The following ZBTB48 variants were observed in gnomAD, a reference collection of about 807,000 sequenced individuals.
ZBTB48 encodes the protein zinc finger and BTB domain-containing protein 48.
A neutral mutation model predicts 64.5 loss-of-function variants in ZBTB48; 35 were observed. The observed-to-expected ratio is 0.54, with a 90% CI of 0.41 to 0.72. The LOEUF (loss-of-function observed/expected upper bound fraction) is 0.72. Ranked by LOEUF, ZBTB48 falls within the 30% of genes least tolerant of loss-of-function variation. The pLI is 0.00. For missense variants in ZBTB48, 828 were observed against 895.3 expected, an observed-to-expected ratio of 0.92 and a Z score of 0.96; for synonymous variants, 442 against 356.7, an observed-to-expected ratio of 1.24 and a Z score of -2.70.
At chr1:6,587,719 TAC>T (rs1189689129) in intron 7 of ZBTB48, 87 bp downstream of exon 7, 5 of 1,557,808 alleles carry the variant, frequency 3.2e-6, no homozygotes, top group African/African-American at 1.3e-5. Flanking sequence ...TGCTGACTTT[TAC>T]ACAGATGAGT....
rs774453367 is a variant in ZBTB48, at chr1:6,589,103, C to G, written c.1958C>G (p.Ser653Cys). ...VESLAQGGLA[S>C]QLPGQRLCAE... ...TCCCTGGCCCAGGGCGGCCTGGCCT[C>G]CCAGCTCCCCGGCCAGAGACTGTGT... Residue 653 changes from serine (S) to cysteine (C), a missense_variant, in exon 11 of 11, where the codon TCC becomes TGC. Ser to Cys is a moderately radical substitution (Grantham distance 112). Transcript: ENST00000377674. 1 of 1,608,094 alleles carries G rather than the reference C, an allele frequency of 6.2e-7. No homozygotes were observed. Among genetic ancestry groups the G allele is most frequent in the Non-Finnish European group, 8.5e-7 (1 of 1,177,940 alleles).
chr1:6,588,261 T>G lies in ZBTB48; in HGVS notation c.1517-17T>G, dbSNP rs763314503. The G allele has an allele frequency of 6.2e-7, 1 of 1,608,854 alleles. No homozygotes were observed. The highest frequency in any genetic ancestry group is 1.1e-5 in the South Asian group (1 of 90,914). The stretch of plus-strand genomic sequence containing the variant: ...GAGGCCAAGGCCACAGGCTGAGCTC[T>G]TGCCTTGTGCCTGCAGCCAGCCTGG... On this transcript the variant is annotated splice_polypyrimidine_tract_variant and intron_variant, in intron 8 of 10. Coordinates refer to ENST00000377674, the MANE Select transcript of ZBTB48 (RefSeq NM_005341.4).
At chr1:6,587,663 A>G (rs746543821) in intron 7 of ZBTB48, 31 bp downstream of exon 7, 2 of 1,609,646 alleles carry the variant, frequency 1.2e-6, no homozygotes, top group Admixed American at 1.7e-5. Flanking sequence ...CTTGGGGCCC[A>G]GTCCTGCTGC....
In ZBTB48 at chr1:6,582,245, G is replaced by A. The variant is rs756552101; in HGVS notation, c.878G>A (p.Cys293Tyr). The change falls in exon 3 of 11, where the codon TGC becomes TAC. Residue 293 changes from cysteine to tyrosine, a missense_variant. By Grantham distance (194) the Cys-to-Tyr change is radical. Coordinates refer to ENST00000377674, the MANE Select transcript of ZBTB48 (RefSeq NM_005341.4). ...NRKGTAVPVECPTCHKKFLSK... is the reference protein window; with the variant it reads ...NRKGTAVPVEYPTCHKKFLSK... Reference sequence around the variant, plus strand: ...AAAGGTACAGCGGTGCCGGTCGAATGCCCCACATGTCATAAAAAGTTCCTC... The same window carrying A: ...AAAGGTACAGCGGTGCCGGTCGAATACCCCACATGTCATAAAAAGTTCCTC... 1 of 1,613,848 alleles carries A rather than the reference G, an allele frequency of 6.2e-7. No homozygotes were observed. The highest frequency in any genetic ancestry group is 1.1e-5 in the South Asian group (1 of 91,064).
Position 6,582,178 on chromosome 1 carries a change from C to A in ZBTB48, c.811C>A (p.Leu271Met). ...IRKPCAAEPA[L>M]SAGSLAAEPA... ...AAAGCCCTGTGCAGCTGAGCCAGCC[C>A]TGAGCGCGGGCTCCCTAGCAGCTGA... The change falls in exon 3 of 11, where the codon CTG becomes ATG. Residue 271 changes from leucine (L) to methionine (M), a missense_variant. Coordinates refer to ENST00000377674, the MANE Select transcript of ZBTB48 (RefSeq NM_005341.4). 6.2e-7 allele frequency: 1 copy of A among 1,614,192 alleles called. No individual in the cohort carries two copies. The highest frequency in any genetic ancestry group is 1.1e-5 in the South Asian group (1 of 91,082).
Position 6,588,858 on chromosome 1 carries a change from T to TGGGCCC in ZBTB48, c.1770+15_1770+20dup. ...TTTACCCGACAGGTAGGCCAGGGCC[T>TGGGCCC]GGGCCCCTTCCCCTACCCTAGGATC... On this transcript the variant is annotated intron_variant, in intron 10 of 10. Transcript: ENST00000377674. 1 of 1,614,014 alleles carries TGGGCCC rather than the reference T, an allele frequency of 6.2e-7. No homozygotes were observed. Among genetic ancestry groups the TGGGCCC allele is most frequent in the Non-Finnish European group, 8.5e-7 (1 of 1,180,010 alleles).
At chr1:6,585,787 T>C (rs1368254198) in intron 3 of ZBTB48, 132 bp from the exon 4 acceptor site, 2 of 804,466 alleles carry the variant, frequency 2.5e-6, no homozygotes, top group African/African-American at 1.7e-5. Flanking sequence ...TCTGGGCTTG[T>C]CCCTGCACCT....
intron 9 of ZBTB48, 69 bp from the exon 10 acceptor site, chr1:6,588,687 C>G (rs1640768099): frequency 6.2e-7 from 1 of 1,605,470 alleles, no homozygotes. Context: ...CTGTCCCAAC[C>G]TCCTGCTGGG....
rs771108359 is a variant in ZBTB48, at chr1:6,586,046, C to A, written c.1044+16C>A. On this transcript the variant is annotated intron_variant, in intron 4 of 10. Coordinates refer to ENST00000377674, the MANE Select transcript of ZBTB48 (RefSeq NM_005341.4). Reference sequence around the variant, plus strand: ...CTCGGAACAGGTACTTGGGAGCTGGCCCAGGTACTTGTGGGCAGGGCACAC... The same window carrying A: ...CTCGGAACAGGTACTTGGGAGCTGGACCAGGTACTTGTGGGCAGGGCACAC... 6.2e-7 allele frequency: 1 copy of A among 1,613,160 alleles called. No individual in the cohort carries two copies. The highest frequency in any genetic ancestry group is 1.7e-5 in the Admixed American group (1 of 60,018).
chr1:6,584,281 A>G lies in ZBTB48; in HGVS notation c.933-1638A>G, dbSNP rs1019999110. ...TTCAGTTCCTCAGATACGTTAGCCA[A>G]ATCTGAAGTGGTGAGGAACCACGTG... On this transcript the variant is annotated intron_variant, in intron 3 of 10. Coordinates refer to ENST00000377674, the MANE Select transcript of ZBTB48 (RefSeq NM_005341.4). This position sits in a 1 kb window ranked among gnomAD's most constrained non-coding sequence, Gnocchi z 4.5. Among the ~76,000 whole-genome samples, 1 of 152,268 alleles carries G rather than the reference A, an allele frequency of 6.6e-6. No individual in the cohort carries two copies. The highest frequency in any genetic ancestry group is 2.4e-5 in the African/African-American group (1 of 41,474).
At chr1:6,581,334 A>C in intron 2 of ZBTB48, 35 bp downstream of exon 2, 1 of 1,531,532 alleles carries the variant, frequency 6.5e-7, no homozygotes, top group Non-Finnish European at 8.7e-7. Flanking sequence ...TGGGGAGACA[A>C]ATAGAGGGAA....
chr1:6,585,712 T>C (rs1640634268), intron 3 of ZBTB48: 2 of 585,632 alleles, frequency 3.4e-6, no homozygotes, highest in African/African-American at 3.7e-5. Context: ...GGCAGCCTCT[T>C]AGGACCTGTG....
Position 6,582,086 on chromosome 1 carries a change from A to T in ZBTB48, c.719A>T (p.Asp240Val). 6.2e-7 allele frequency: 1 copy of T among 1,614,108 alleles called. No individual in the cohort carries two copies. The highest frequency in any genetic ancestry group is 8.5e-7 in the Non-Finnish European group (1 of 1,180,012). ...GAAGTGGTGGTTCAAGTGGAGGATG[A>T]TGGGGATGGCGATTACATGTCTGAG... ...EWEVVVQVEDDGDGDYMSEPE... is the reference protein window; with the variant it reads ...EWEVVVQVEDVGDGDYMSEPE... Residue 240 changes from aspartate (D) to valine (V), a missense_variant, in exon 3 of 11, where the codon GAT (aspartate) becomes GTT (valine). Physicochemically the swap from Asp to Val is radical, Grantham distance 152. Transcript: ENST00000377674.
At chr1:6,583,076 T>C (rs148945501) in intron 3 of ZBTB48, among the ~76,000 whole-genome samples, 1 of 152,176 alleles carries the variant, frequency 6.6e-6, no homozygotes, top group South Asian at 2.1e-4. Context: ...GTGCAACCTC[T>C]GCCTCCTGGG....
intron 4 of ZBTB48, 22 bp downstream of exon 4, chr1:6,586,052 T>TA: frequency 6.2e-7 from 1 of 1,612,028 alleles, no homozygotes; most frequent in Non-Finnish European, 8.5e-7. Context: ...CTGGCCCAGG[T>TA]ACTTGTGGGC....
chr1:6,583,894 C>T (rs1640565472), intron 3 of ZBTB48, among the ~76,000 whole-genome samples: 1 of 151,590 alleles, frequency 6.6e-6, no homozygotes, highest in African/African-American at 2.4e-5. Context: ...ATTCTCCTGC[C>T]TCAGCCTCCT....
chr1:6,586,610 C>T (rs1640676563), intron 4 of ZBTB48, 85 bp from the exon 5 acceptor site: 1 of 1,439,162 alleles, frequency 6.9e-7, no homozygotes, highest in Non-Finnish European at 9.1e-7. Context: ...CTCTTCCCAG[C>T]AGCAAGCGGA....
chr1:6,588,037 G>A (rs754402060), intron 7 of ZBTB48, 23 bp from the exon 8 acceptor site: 4 of 1,613,552 alleles, frequency 2.5e-6, no homozygotes, highest in Admixed American at 1.7e-5. Flanking sequence ...GATGGCCTCT[G>A]CCCCATGTCC....
At chr1:6,581,395 C>A in intron 2 of ZBTB48, 96 bp downstream of exon 2, 2 of 1,331,862 alleles carry the variant, frequency 1.5e-6, no homozygotes, top group Non-Finnish European at 2.0e-6. Flanking sequence ...TGATGGCTCA[C>A]TCACGCCTGT....
Sources: gnomAD v4.1 joint callset for allele counts (sites outside exome capture counted in the v4.1 genomes callset) on GRCh38, gnomAD v4.1.1 for gene constraint, Gnocchi (gnomAD v3.1) non-coding constraint, MANE v1.5 for transcripts, NCBI Gene and HGNC (gene_info 2026-07-23, HGNC 2026-07-21) for gene names.